Variants in RIMS1 observed in about 807,000 individuals in gnomAD.
RIMS1 encodes regulating synaptic membrane exocytosis 1, also known as regulating synaptic membrane exocytosis protein 1.
Under a neutral mutation model 214.1 loss-of-function variants are expected in RIMS1, and 83 were observed. The ratio of observed to expected loss-of-function variants is 0.39; its 90% CI spans 0.32 to 0.47. The LOEUF (loss-of-function observed/expected upper bound fraction) is 0.47. RIMS1 is among the 20% of genes least tolerant of loss of function. RIMS1 has a pLI of 0.99. For missense variants in RIMS1, 2,050 were observed against 2,161.8 expected (o/e 0.95, Z 1.03); for synonymous variants, 793 against 786.8 (o/e 1.01, Z -0.13).
chr6:72,188,202 G>T (rs2153977487), intron 6 of RIMS1, among the ~76,000 whole-genome samples: 1 of 152,272 alleles, frequency 6.6e-6, no homozygotes, highest in Middle Eastern at 3.4e-3. Context: ...GACAACCCAG[G>T]AACAATACTT....
rs2151380195 is a variant in RIMS1, at chr6:71,972,005, C to G, written c.245+2942C>G. ...AGAGGTTGGCTCTGTTAACCTTTAG[C>G]ACTCAGTTAACTGGGGAAATAGATG... On this transcript the variant is annotated intron_variant, in intron 2 of 33. Transcript: ENST00000521978. Among the ~76,000 whole-genome samples the G allele has an allele frequency of 2.0e-5, 3 of 152,158 alleles. No homozygotes were observed. In the South Asian group the frequency reaches 6.2e-4, roughly 32 times the overall value.
intron 4 of RIMS1, among the ~76,000 whole-genome samples, chr6:72,139,861 C>G (rs1179074849): frequency 6.6e-6 from 1 of 152,106 alleles, no homozygotes. Context: ...TAGTTACATT[C>G]TTCCAAATCA....
chr6:72,135,620 T>C (rs1343030016), intron 4 of RIMS1, among the ~76,000 whole-genome samples: 1 of 152,126 alleles, frequency 6.6e-6, no homozygotes, highest in Non-Finnish European at 1.5e-5. Flanking sequence ...TGACTTGATA[T>C]CCAAAACTGA....
intron 16 of RIMS1, among the ~76,000 whole-genome samples, chr6:72,255,290 A>G (rs1039982249): frequency 6.6e-6 from 1 of 152,196 alleles, no homozygotes; most frequent in Non-Finnish European, 1.5e-5. Flanking sequence ...AGCATCCAAT[A>G]TGAAGAAAAA....
rs1476619394 is a variant in RIMS1 at position 72,260,744 on chromosome 6, T to C, written c.3093T>C (p.Ser1031=). The part of the protein sequence containing the change: ...LMLPRAKRGR[S]AECLHTTRHL... The stretch of plus-strand genomic sequence containing the variant: ...TGCCCAGAGCAAAACGAGGACGAAG[T>C]GCAGAATGCCTACATACTACCAGGT... Residue 1031 remains serine, a synonymous_variant, in exon 19 of 34, where the codon AGT becomes AGC. Coordinates refer to ENST00000521978, the MANE Select transcript of RIMS1 (RefSeq NM_014989.7). The C allele has an allele frequency of 3.1e-6, 5 of 1,612,342 alleles. No homozygotes were observed. In the African/African-American group the frequency reaches 5.3e-5, roughly 17 times the overall value.
At position 72,307,244 on chromosome 6, in the gene RIMS1, A is replaced by T. The variant is rs775882480; in HGVS notation, c.3851-14A>T. On this transcript the variant is annotated splice_polypyrimidine_tract_variant and intron_variant, in intron 26 of 33. Transcript: ENST00000521978. ...TCACATGTTTTAATAGGCTTCCATTATGTGTTTTTGCAGCAAGCTTAGTAG... is the reference window on the plus strand; with the variant it reads ...TCACATGTTTTAATAGGCTTCCATTTTGTGTTTTTGCAGCAAGCTTAGTAG... 9.7e-6 allele frequency: 15 copies of T among 1,547,970 alleles called. No homozygotes were observed. The Admixed American group carries it at 2.2e-4, about 22-fold the overall frequency.
rs2054073296 is a variant in RIMS1, at chr6:72,212,888, T to TAG, written c.1679-20884_1679-20883insGA. On this transcript the variant is annotated intron_variant, in intron 6 of 33. Coordinates refer to ENST00000521978, the MANE Select transcript of RIMS1 (RefSeq NM_014989.7). ...TATTTTATCCAAGCAGTCCTTTGGG[T>TAG]AACTGCACAGTGCCTGCAGTGACCT... The TAG allele has an allele frequency of 1.4e-5, 17 of 1,224,222 alleles. No homozygotes were observed. The South Asian group carries it at 4.1e-4, about 29-fold the overall frequency. 75.8% of individuals were successfully genotyped at this position (1,224,222 alleles called of 1,614,324 possible). A position where few individuals can be genotyped will look rare whatever the true frequency, so the allele number is the denominator to read the frequency against.
chr6:72,292,091 G>A, intron 26 of RIMS1, 45 bp downstream of exon 26: 3 of 1,248,132 alleles, frequency 2.4e-6, no homozygotes, highest in Non-Finnish European at 2.3e-6. Context: ...TTGGATTTGA[G>A]AACCTCCTCT....
At chr6:72,356,463 A>T (rs1225381093) in intron 29 of RIMS1, among the ~76,000 whole-genome samples, 1 of 152,148 alleles carries the variant, frequency 6.6e-6, no homozygotes, top group African/African-American at 2.4e-5. Context: ...TTTATCTAAA[A>T]AATAATGAGA....
At chr6:72,179,320 A>C (rs1466399716) in intron 4 of RIMS1, 7 of 452,436 alleles carry the variant, frequency 1.5e-5, no homozygotes, top group Non-Finnish European at 2.8e-5. Context: ...AAGGAAATTC[A>C]GAATAATCAA....
intron 4 of RIMS1, among the ~76,000 whole-genome samples, chr6:72,129,015 T>C (rs2040035025): frequency 6.6e-6 from 1 of 152,214 alleles, no homozygotes; most frequent in African/African-American, 2.4e-5. Flanking sequence ...TTGTTCCCAT[T>C]TCATTACTGC....
At chr6:72,024,201 G>C (rs905525787) in intron 2 of RIMS1, among the ~76,000 whole-genome samples, 12 of 151,870 alleles carry the variant, frequency 7.9e-5, no homozygotes, top group African/African-American at 2.9e-4. Flanking sequence ...TATTTTCTTA[G>C]CTCTTTCTTC....
At chr6:72,130,743 T>G (rs2040305813) in intron 4 of RIMS1, among the ~76,000 whole-genome samples, 1 of 152,180 alleles carries the variant, frequency 6.6e-6, no homozygotes, top group African/African-American at 2.4e-5. Flanking sequence ...CCACAACTAT[T>G]TGGGGAGTTC....
Position 72,216,748 on chromosome 6 carries a change from G to A in RIMS1, c.1679-17025G>A, listed in dbSNP as rs578124658. On this transcript the variant is annotated intron_variant, in intron 6 of 33. Transcript: ENST00000521978. The stretch of plus-strand genomic sequence containing the variant: ...GATGAGCTCCTGAACATTTGCCTGA[G>A]TCTTTTCTTCTGTGTTAGCTTTAAG... 52 of 986,292 alleles carry A rather than the reference G, an allele frequency of 5.3e-5. No homozygotes were observed. The African/African-American group carries it at 8.7e-4, about 17-fold the overall frequency. 61.1% of individuals were successfully genotyped at this position (986,292 alleles called of 1,614,324 possible).
rs144698467 is a variant in RIMS1 at position 72,399,947 on chromosome 6, G to A, written c.4861-549G>A. ...TAATCATCTAAATCAAAATTGGCAGGCAAGTCCTCAAAAGGTACCAGCTCA... is the reference window on the plus strand; with the variant it reads ...TAATCATCTAAATCAAAATTGGCAGACAAGTCCTCAAAAGGTACCAGCTCA... On this transcript the variant is annotated intron_variant, in intron 33 of 33. Coordinates refer to ENST00000521978, the MANE Select transcript of RIMS1 (RefSeq NM_014989.7). 4.5e-3 allele frequency among the ~76,000 whole-genome samples: 679 copies of A among 152,094 alleles called. 2 individuals are homozygous for A. Among genetic ancestry groups the A allele is most frequent in the South Asian group, 8.9e-3 (43 of 4,806 alleles).
At chr6:72,030,585 TAA>T (rs1817804299) in intron 2 of RIMS1, among the ~76,000 whole-genome samples, 1 of 152,124 alleles carries the variant, frequency 6.6e-6, no homozygotes, top group South Asian at 2.1e-4. Context: ...ACATGAATTT[TAA>T]AAGATACACT....
intron 1 of RIMS1, among the ~76,000 whole-genome samples, chr6:71,937,992 A>G (rs1784965160): frequency 6.6e-6 from 1 of 152,184 alleles, no homozygotes; most frequent in Non-Finnish European, 1.5e-5. Flanking sequence ...TCCTGAGGCA[A>G]ATTTCCTCTA....
chr6:72,329,921 A>G (rs2096603250), intron 28 of RIMS1, among the ~76,000 whole-genome samples: 1 of 151,820 alleles, frequency 6.6e-6, no homozygotes. Context: ...GGATATATAA[A>G]TCTGGAGTCC....
At chr6:71,980,816 G>T (rs1455447878) in intron 2 of RIMS1, among the ~76,000 whole-genome samples, 1 of 151,994 alleles carries the variant, frequency 6.6e-6, no homozygotes, top group Non-Finnish European at 1.5e-5. Flanking sequence ...AAACTGGTAC[G>T]CCTTAATGAC....
Sources: allele counts gnomAD v4.1 joint callset (sites outside exome capture counted in the v4.1 genomes callset), GRCh38; gene constraint gnomAD v4.1.1; transcripts MANE v1.5; gene names NCBI Gene and HGNC (gene_info 2026-07-23, HGNC 2026-07-21).